SAFB2: variants seen among roughly 807,000 people sequenced by gnomAD.
SAFB2 encodes the protein scaffold attachment factor B2.
A neutral mutation model predicts 100.6 loss-of-function variants in SAFB2; 32 were observed. The ratio of observed to expected loss-of-function variants is 0.32; its 90% confidence interval spans 0.24 to 0.43. The LOEUF is 0.43. Among genes scored for constraint, SAFB2 ranks in the 20% least tolerant of loss-of-function variants. The probability of loss-of-function intolerance (pLI) is 1.00; values close to 1 mark genes in which losing one functional copy is unlikely to be tolerated. For synonymous variants in SAFB2, 500 were observed against 439.4 expected (o/e 1.14, Z -1.72); for missense variants, 1,185 against 1,163.4 (o/e 1.02, Z -0.27).
At chr19:5,614,473 G>A (rs746527520) in intron 4 of SAFB2, among the ~76,000 whole-genome samples, 33 of 152,194 alleles carry the variant, frequency 2.2e-4, no homozygotes, top group Non-Finnish European at 4.3e-4. Context: ...TACACACTCT[G>A]AAAACAATAA....
At chr19:5,595,291 T>C (rs943947122) in intron 14 of SAFB2, 70 bp downstream of exon 14, 44 of 1,558,160 alleles carry the variant, frequency 2.8e-5, no homozygotes, top group South Asian at 1.6e-4. Context: ...GCACTCCAAG[T>C]ACAGCTGGGA....
rs776231101 is a variant in SAFB2, at chr19:5,616,135, A to G, written c.540T>C (p.His180=). The change falls in exon 4 of 21, where the codon CAT becomes CAC. Residue 180 remains histidine, a synonymous_variant. Transcript: ENST00000252542. ...GCCGTGTCTCCAAGTTACCTACAGC[A>G]TGCTCTGGGGGCTGAGCCGGGAGCT... ...LRQLPAQPPE[H]AVDGEGFKNT... 1 of 1,614,044 alleles carries G rather than the reference A, an allele frequency of 6.2e-7. No homozygotes were observed. Among genetic ancestry groups the G allele is most frequent in the South Asian group, 1.1e-5 (1 of 91,078 alleles).
chr19:5,603,460 C>T (rs999990986), intron 11 of SAFB2, among the ~76,000 whole-genome samples: 3 of 152,140 alleles, frequency 2.0e-5, no homozygotes, highest in Admixed American at 6.5e-5. Flanking sequence ...AGATACAACA[C>T]GGAAATCTAC....
chr19:5,608,349 T>G (rs1346668271), intron 9 of SAFB2, among the ~76,000 whole-genome samples: 1 of 152,166 alleles, frequency 6.6e-6, no homozygotes, highest in African/African-American at 2.4e-5. Flanking sequence ...ATGGTCTTTT[T>G]CCCGCCAGAC....
intron 16 of SAFB2, 62 bp from the exon 17 acceptor site, chr19:5,591,855 A>C (rs907997986): frequency 6.4e-7 from 1 of 1,562,938 alleles, no homozygotes; most frequent in African/African-American, 1.4e-5. Context: ...TCTGCAGGTC[A>C]GGCAAGTTTC....
intron 18 of SAFB2, 47 bp downstream of exon 18, chr19:5,590,231 C>T: frequency 7.0e-7 from 1 of 1,426,232 alleles, no homozygotes; most frequent in South Asian, 1.5e-5. Context: ...AACCTTTTCC[C>T]AGGTTAGGAC....
intron 14 of SAFB2, among the ~76,000 whole-genome samples, chr19:5,595,110 A>C (rs1196052847): frequency 1.3e-5 from 2 of 152,152 alleles, no homozygotes. Flanking sequence ...TGGCATCCCA[A>C]AGTGCTCGGA....
rs1351103406 is a variant in SAFB2, at chr19:5,608,628, CTG to C, written c.1296+1365_1296+1366del. Among the ~76,000 whole-genome samples the C allele has an allele frequency of 5.3e-5, 8 of 152,318 alleles. No homozygotes were observed. The South Asian group carries it at 1.4e-3, about 28-fold the overall frequency. On this transcript the variant is annotated intron_variant, in intron 9 of 20. Coordinates refer to ENST00000252542, the MANE Select transcript of SAFB2 (RefSeq NM_014649.3). ...AGGAACGGCTTCTGTAGCCAGAAAA[CTG>C]TGTCAGACAGGGCCCACTCTGCCTG...
chr19:5,587,690 A>G lies in SAFB2; in HGVS notation c.2705+11T>C. ...AGTGAACCACCGTCCTCCACGGACG[A>G]CACACCTTACCCCGCCACTCCACCG... On this transcript the variant is annotated intron_variant, in intron 20 of 20. Transcript: ENST00000252542. This position sits in a 1 kb window ranked among gnomAD's most constrained non-coding sequence, Gnocchi z 4.9. The G allele has an allele frequency of 6.5e-7, 1 of 1,545,198 alleles. No individual in the cohort carries two copies.
intron 17 of SAFB2, chr19:5,591,444 A>G (rs1182887983): frequency 8.3e-6 from 2 of 240,498 alleles, no homozygotes; most frequent in Non-Finnish European, 1.6e-5. Context: ...ATGCCTGGCT[A>G]ATTTTTTGTA....
In SAFB2 at chr19:5,593,967, C is replaced by A; in HGVS notation, c.2131G>T (p.Glu711Ter). The A allele has an allele frequency of 6.4e-7, 1 of 1,553,064 alleles. No individual in the cohort carries two copies. ...AGCTGCTCCTGCTGGCGCCGCAGCT[C>A]CTCGCGCTCGCGGTGGATGCGCTCC... ...EQERIHRERE[E>*]LRRQQEQLRY... The change falls in exon 15 of 21, where the codon GAG becomes TAG. Residue 711 changes from glutamate to a stop codon, truncating the protein, a stop_gained. Transcript: ENST00000252542. LOFTEE classifies it high-confidence loss of function.
In SAFB2 at chr19:5,621,331, C is replaced by A. The variant is rs866344101; in HGVS notation, c.252G>T (p.Lys84Asn). 5.0e-6 allele frequency: 8 copies of A among 1,613,282 alleles called. No individual in the cohort carries two copies. Among genetic ancestry groups the A allele is most frequent in the Middle Eastern group, 1.6e-4 (1 of 6,062 alleles). Residue 84 changes from lysine (K) to asparagine (N), a missense_variant, in exon 2 of 21, where the codon AAG becomes AAT. Transcript: ENST00000252542. ...IGIELEATSK[K>N]SAKRCVKGLK... is the part of the protein sequence containing the mutation. ...TACCTTTAACACATCTCTTGGCTGACTTCTTGCTGGTGGCTTCTAACTCGA... is the reference window on the plus strand; with the variant it reads ...TACCTTTAACACATCTCTTGGCTGAATTCTTGCTGGTGGCTTCTAACTCGA...
At position 5,622,674 on chromosome 19, in the gene SAFB2, G is replaced by A; in HGVS notation, c.42C>T (p.Gly14=). The change falls in exon 1 of 21, where the codon GGC becomes GGT. Residue 14 remains glycine, a synonymous_variant. Transcript: ENST00000252542. ...CAACGCCCGGGCCGAGAGAAGCCGT[G>A]CCAGGGCCCGAGTCGCCCGACCCGG... ...TLPGSGDSGP[G]TASLGPGVAE... 4.4e-6 allele frequency: 7 copies of A among 1,607,312 alleles called. No homozygotes were observed. The highest frequency in any genetic ancestry group is 5.9e-6 in the Non-Finnish European group (7 of 1,178,734).
intron 11 of SAFB2, among the ~76,000 whole-genome samples, chr19:5,601,507 G>A (rs1312523670): frequency 1.3e-5 from 2 of 151,946 alleles, no homozygotes; most frequent in Non-Finnish European, 2.9e-5. Flanking sequence ...TCAGGAGTTC[G>A]AGACCACCCT....
At position 5,600,157 on chromosome 19, in the gene SAFB2, T is replaced by C. The variant is rs996094915; in HGVS notation, c.1663A>G (p.Thr555Ala). Residue 555 changes from threonine (T) to alanine (A), a missense_variant, in exon 12 of 21, where the codon ACA (threonine) becomes GCA (alanine). By Grantham distance (58) the Thr-to-Ala change is moderately conservative. This residue lies in a region of SAFB2 where 740 missense variants were observed against 687.1 expected (regional missense o/e 1.08). Coordinates refer to ENST00000252542, the MANE Select transcript of SAFB2 (RefSeq NM_014649.3). Reference protein sequence around the residue: ...KDQDELKPGPTNRSRVTKSGS... With the variant: ...KDQDELKPGPANRSRVTKSGS... ...GATTTGGTGACTCTAGACCGATTTG[T>C]AGGTCCGGGTTTCAGCTCATCCTGG... The C allele has an allele frequency of 1.2e-6, 2 of 1,614,140 alleles. No homozygotes were observed. Among genetic ancestry groups the C allele is most frequent in the African/African-American group, 2.7e-5 (2 of 75,042 alleles).
chr19:5,622,425 G>T, intron 1 of SAFB2, 105 bp downstream of exon 1: 1 of 1,217,136 alleles, frequency 8.2e-7, no homozygotes, highest in South Asian at 1.7e-5. Context: ...CGGCCAAGAC[G>T]CGGGGCGAAC....
chr19:5,603,476 CAA>C (rs2052706872), intron 11 of SAFB2, among the ~76,000 whole-genome samples: 1 of 152,218 alleles, frequency 6.6e-6, no homozygotes, highest in Non-Finnish European at 1.5e-5. Context: ...TCTACCTTCT[CAA>C]AAGAGAAGCC....
intron 15 of SAFB2, chr19:5,593,515 CAT>C (rs949473712): frequency 3.3e-5 from 7 of 212,734 alleles, no homozygotes; most frequent in African/African-American, 6.9e-5. Context: ...TACAAGGACA[CAT>C]GAGACCGGCA....
chr19:5,588,035 G>A (rs993003031), intron 18 of SAFB2, 55 bp from the exon 19 acceptor site: 11 of 1,501,270 alleles, frequency 7.3e-6, no homozygotes, highest in South Asian at 4.9e-5. Context: ...GGGTTGTGTC[G>A]GCAGCAGGCG....
Sources: allele counts gnomAD v4.1 joint callset (sites outside exome capture counted in the v4.1 genomes callset), GRCh38; gene constraint gnomAD v4.1.1; regional missense constraint gnomAD v4.1.1; non-coding constraint Gnocchi (gnomAD v3.1); transcripts MANE v1.5; gene names NCBI Gene and HGNC (gene_info 2026-07-23, HGNC 2026-07-21).